The following AEN variants were observed in gnomAD, a reference collection of about 807,000 sequenced individuals.
The protein encoded by AEN is apoptosis enhancing nuclease.
A neutral mutation model predicts 17.7 loss-of-function variants in AEN; 21 were observed. The ratio of observed to expected loss-of-function variants is 1.19; its 90% CI spans 0.84 to 1.71. The LOEUF (loss-of-function observed/expected upper bound fraction) is 1.71. Ranked by LOEUF, AEN falls within the 40% of genes most tolerant of loss-of-function variation. AEN has a pLI of 0.00. For synonymous variants in AEN, 190 were observed against 173.0 expected, an observed-to-expected ratio of 1.10 and a Z score of -0.77; for missense variants, 462 against 435.9, an observed-to-expected ratio of 1.06 and a Z score of -0.53.
chr15:88,622,408 G>A (rs2057799419), intron 1 of AEN, among the ~76,000 whole-genome samples: 1 of 152,224 alleles, frequency 6.6e-6, no homozygotes, highest in Admixed American at 6.5e-5. Context: ...AGGAGCCGCG[G>A]ACAAAACCCC....
At chr15:88,624,332 G>A (rs1021846471) in intron 1 of AEN, among the ~76,000 whole-genome samples, 6 of 152,150 alleles carry the variant, frequency 3.9e-5, no homozygotes, top group Non-Finnish European at 8.8e-5. Flanking sequence ...GGCTGTGAGT[G>A]GGAAGGGAGG....
chr15:88,607,402 T>C, the AEN span, among the ~76,000 whole-genome samples: 1 of 152,220 alleles, frequency 6.6e-6, no homozygotes, highest in Non-Finnish European at 1.5e-5. Flanking sequence ...TAGGAAATTA[T>C]TTTACTCATA....
At chr15:88,608,085 A>T in the AEN span, 1 of 520,384 alleles carries the variant, frequency 1.9e-6, no homozygotes, top group South Asian at 1.4e-5. Context: ...TCTACTTTCA[A>T]GAAGATAACT....
At chr15:88,608,452 T>G in the AEN span, among the ~76,000 whole-genome samples, 2 of 152,220 alleles carry the variant, frequency 1.3e-5, no homozygotes, top group Admixed American at 1.3e-4. Context: ...CAGTGCAGGT[T>G]ATTGTTACCA....
intron 1 of AEN, among the ~76,000 whole-genome samples, chr15:88,625,357 A>T (rs2057838098): frequency 6.6e-6 from 1 of 152,134 alleles, no homozygotes; most frequent in South Asian, 2.1e-4. Flanking sequence ...CTCTACTAAA[A>T]ATACAAAAAA....
In AEN at chr15:88,630,142, C is replaced by G. The variant is rs949567235; in HGVS notation, c.826C>G (p.Gln276Glu). 15 of 1,613,632 alleles carry G rather than the reference C, an allele frequency of 9.3e-6. No homozygotes were observed. Among genetic ancestry groups the G allele is most frequent in the Admixed American group, 1.7e-5 (1 of 59,994 alleles). The change falls in exon 4 of 4, where the codon CAG (glutamine) becomes GAG (glutamate). Residue 276 changes from glutamine to glutamate, a missense_variant. By Grantham distance (29) the Gln-to-Glu change is conservative (BLOSUM62 2). Transcript: ENST00000332810. The surrounding 1 kb of genome is among the most constrained non-coding windows in gnomAD (Gnocchi z 5.1). Reference protein sequence around the residue: ...YRLVEVQWEQQEARSLWTCPE... With the variant: ...YRLVEVQWEQEEARSLWTCPE... ...GCTGGTGGAGGTGCAGTGGGAACAG[C>G]AGGAGGCCCGCAGCCTCTGGACCTG... is the stretch of plus-strand genomic sequence containing the variant.
chr15:88,616,564 T>C (rs138827723), upstream of AEN, among the ~76,000 whole-genome samples: 3 of 152,336 alleles, frequency 2.0e-5, no homozygotes, highest in East Asian at 5.8e-4. Context: ...CCATCCACAG[T>C]CAAGATGACA....
chr15:88,623,929 C>A (rs937855176), intron 1 of AEN, among the ~76,000 whole-genome samples: 1 of 152,256 alleles, frequency 6.6e-6, no homozygotes, highest in African/African-American at 2.4e-5. Context: ...GGTGGGCCCT[C>A]TTCCTCCACC....
the AEN span, among the ~76,000 whole-genome samples, chr15:88,608,708 C>G: frequency 6.6e-6 from 1 of 152,260 alleles, no homozygotes; most frequent in Non-Finnish European, 1.5e-5. Flanking sequence ...GTCTGTTTTT[C>G]CACTTTCATT....
At position 88,630,603 on chromosome 15, in the gene AEN, C is replaced by G; in HGVS notation, c.*309C>G. On this transcript the variant is annotated 3_prime_UTR_variant, in exon 4 of 4. Coordinates refer to ENST00000332810, the MANE Select transcript of AEN (RefSeq NM_022767.4). This position sits in a 1 kb window ranked among gnomAD's most constrained non-coding sequence, Gnocchi z 5.1. Reference sequence around the variant, plus strand: ...CAGGAGTAGGGAATGTGCCAACAGACTGCCCAGGTTGCCGTGGCCTTCCCC... The same window carrying G: ...CAGGAGTAGGGAATGTGCCAACAGAGTGCCCAGGTTGCCGTGGCCTTCCCC... 1 of 370,332 alleles carries G rather than the reference C, an allele frequency of 2.7e-6. No homozygotes were observed. Among genetic ancestry groups the G allele is most frequent in the South Asian group, 3.0e-5 (1 of 32,880 alleles). 22.9% of individuals were successfully genotyped at this position (370,332 alleles called of 1,614,324 possible).
the AEN span, chr15:88,608,166 A>G: frequency 1.9e-6 from 1 of 532,042 alleles, no homozygotes; most frequent in South Asian, 1.4e-5. Flanking sequence ...TCAACCAATA[A>G]GAGGATGCCA....
chr15:88,614,225 G>C, the AEN span, among the ~76,000 whole-genome samples: 2 of 152,002 alleles, frequency 1.3e-5, no homozygotes, highest in African/African-American at 4.8e-5. Flanking sequence ...ATTGAAATGG[G>C]GTCTGGCTTT....
intron 1 of AEN, among the ~76,000 whole-genome samples, chr15:88,624,220 C>T (rs2057822516): frequency 6.6e-6 from 1 of 152,180 alleles, no homozygotes; most frequent in South Asian, 2.1e-4. Flanking sequence ...CCCGAGAGAG[C>T]CTCAGTATGG....
Position 88,625,123 on chromosome 15 carries a change from TG to T in AEN, c.-64-1020del, listed in dbSNP as rs2057834822. 2.0e-5 allele frequency among the ~76,000 whole-genome samples: 3 copies of T among 152,198 alleles called. No individual in the cohort carries two copies. The South Asian group carries it at 6.2e-4, about 31-fold the overall frequency. On this transcript the variant is annotated intron_variant, in intron 1 of 3. Transcript: ENST00000332810. ...TCAGTGACGAGGGCTTAAAGTCCGC[TG>T]GGTGGGAGCCCATCACAGAAATCTG...
chr15:88,606,243 C>T, the AEN span, among the ~76,000 whole-genome samples: 1 of 152,292 alleles, frequency 6.6e-6, no homozygotes, highest in Non-Finnish European at 1.5e-5. Flanking sequence ...TTTTCCCTTC[C>T]TTCCTTCCTC....
chr15:88,612,758 C>T, the AEN span, among the ~76,000 whole-genome samples: 1 of 151,942 alleles, frequency 6.6e-6, no homozygotes, highest in Non-Finnish European at 1.5e-5. Flanking sequence ...ATGCCACCAA[C>T]TCAGCTAATT....
chr15:88,605,625 G>A, the AEN span, among the ~76,000 whole-genome samples: 1 of 152,208 alleles, frequency 6.6e-6, no homozygotes, highest in African/African-American at 2.4e-5. This position sits in a 1 kb window ranked among gnomAD's most constrained non-coding sequence, Gnocchi z 7.6. Flanking sequence ...GAGGCGCCGG[G>A]GATTGCGCCC....
intron 3 of AEN, 84 bp downstream of exon 3, chr15:88,629,510 T>C: frequency 6.7e-7 from 1 of 1,483,750 alleles, no homozygotes; most frequent in Non-Finnish European, 9.2e-7. Flanking sequence ...CTTTGGGCTG[T>C]GTCTCCAGCC....
At chr15:88,622,912 T>C (rs1041306384) in intron 1 of AEN, among the ~76,000 whole-genome samples, 2 of 152,230 alleles carry the variant, frequency 1.3e-5, no homozygotes, top group African/African-American at 4.8e-5. Context: ...TCAGGGTGTT[T>C]GGAAAAGGAC....
Sources: gnomAD v4.1 joint callset for allele counts (sites outside exome capture counted in the v4.1 genomes callset) on GRCh38, gnomAD v4.1.1 for gene constraint, Gnocchi (gnomAD v3.1) non-coding constraint, MANE v1.5 for transcripts, NCBI Gene and HGNC (gene_info 2026-07-23, HGNC 2026-07-21) for gene names.